PKD1L3: variants seen among roughly 807,000 people sequenced by gnomAD.
PKD1L3 encodes polycystin-1-like protein 3.
PKD1L3 carries 239 observed loss-of-function variants against 184.1 expected under a neutral mutation model. The ratio of observed to expected loss-of-function variants is 1.30; its 90% confidence interval spans 1.17 to 1.45. The LOEUF is 1.45. Among genes scored for constraint, PKD1L3 ranks in the 40% most tolerant of loss-of-function variants. The pLI, the probability that PKD1L3 is intolerant of heterozygous loss-of-function variation, is 0.00. For missense variants in PKD1L3, 2,660 were observed against 2,067.2 expected (o/e 1.29, Z -5.56); for synonymous variants, 996 against 778.8 (o/e 1.28, Z -4.64).
intron 2 of PKD1L3, among the ~76,000 whole-genome samples, chr16:71,996,858 C>A (rs951503052): frequency 4.6e-5 from 7 of 151,812 alleles, no homozygotes; most frequent in Admixed American, 2.0e-4. Flanking sequence ...TTTGTAGCAG[C>A]ATGAGAGAAG....
Position 71,967,231 on chromosome 16 carries a change from C to T in PKD1L3, c.2371G>A (p.Gly791Ser), listed in dbSNP as rs1451133654. ...GTGGTGAGAAGGAAGACATCCAGGC[C>T]CCCTCGTTCAAAGACTGTCTTCTGG... ...DPQKTVFERG[G>S]LDVFLLTTWT... Residue 791 changes from glycine (G) to serine (S), a missense_variant, in exon 15 of 30, where the codon GGC (glycine) becomes AGC (serine). Gly to Ser is a moderately conservative substitution (Grantham distance 56). Transcript: ENST00000620267. 2 of 1,551,506 alleles carry T rather than the reference C, an allele frequency of 1.3e-6. No homozygotes were observed. Among genetic ancestry groups the T allele is most frequent in the East Asian group, 2.4e-5 (1 of 40,932 alleles).
At chr16:71,979,273 G>A (rs1009269515) in intron 9 of PKD1L3, among the ~76,000 whole-genome samples, 4 of 152,046 alleles carry the variant, frequency 2.6e-5, no homozygotes, top group Admixed American at 2.0e-4. Context: ...GCGAAACCCC[G>A]CCTCTACTAA....
intron 4 of PKD1L3, among the ~76,000 whole-genome samples, chr16:71,988,823 T>C (rs1477689354): frequency 6.6e-6 from 1 of 152,186 alleles, no homozygotes; most frequent in Non-Finnish European, 1.5e-5. Flanking sequence ...AGTCCATCTC[T>C]CCTATGCTGA....
intron 28 of PKD1L3, chr16:71,931,133 T>C (rs1188273802): frequency 6.6e-6 from 1 of 152,242 alleles, no homozygotes; most frequent in Non-Finnish European, 1.5e-5. Flanking sequence ...TACTGTATTT[T>C]TATGTACAAT....
chr16:71,953,240 G>A, intron 17 of PKD1L3, 147 bp from the exon 18 acceptor site: 1 of 681,546 alleles, frequency 1.5e-6, no homozygotes, highest in African/African-American at 1.9e-5. Flanking sequence ...ACCATGTTGT[G>A]TTCCTAATAC....
In PKD1L3 at chr16:71,937,379, G is replaced by T. The variant is rs1202568256; in HGVS notation, c.4365C>A (p.Ser1455=). 1 of 1,551,542 alleles carries T rather than the reference G, an allele frequency of 6.4e-7. No homozygotes were observed. Among genetic ancestry groups the T allele is most frequent in the African/African-American group, 1.4e-5 (1 of 73,022 alleles). Residue 1455 remains serine (S), a synonymous_variant, in exon 25 of 30, where the codon TCC becomes TCA. Transcript: ENST00000620267. ...FTSLRLESFT[S]LQMSKKGCVW... is the part of the protein sequence containing the mutation. ...CACAGCCCTTCTTTGACATCTGAAG[G>T]GAAGTGAAGCTTTCCAGTCTCAAAG...
In PKD1L3 at chr16:71,934,088, C is replaced by G; in HGVS notation, c.4651G>C (p.Ala1551Pro). Reference sequence around the variant, plus strand: ...GGGAAGCCCACAAGGTGAGTCGCAGCAGAGTTCACTTTTACTGCCTCATAG... The same window carrying G: ...GGGAAGCCCACAAGGTGAGTCGCAGGAGAGTTCACTTTTACTGCCTCATAG... ...SFYEAVKVNS[A>P]ATHLVGFPVL... Residue 1551 changes from alanine to proline, a missense_variant, in exon 27 of 30, where the codon GCT (alanine) becomes CCT (proline). Transcript: ENST00000620267. 6.4e-7 allele frequency: 1 copy of G among 1,551,940 alleles called. No individual in the cohort carries two copies. Among genetic ancestry groups the G allele is most frequent in the South Asian group, 1.2e-5 (1 of 84,066 alleles).
At chr16:71,954,915 G>A (rs544774316) in intron 16 of PKD1L3, among the ~76,000 whole-genome samples, 2 of 152,056 alleles carry the variant, frequency 1.3e-5, no homozygotes, top group African/African-American at 2.4e-5. Context: ...TGATTCACTG[G>A]GTGCAGAAAA....
intron 3 of PKD1L3, among the ~76,000 whole-genome samples, chr16:71,992,039 T>G (rs949472218): frequency 6.6e-6 from 1 of 152,202 alleles, no homozygotes; most frequent in African/African-American, 2.4e-5. Flanking sequence ...CAGGTTGGAC[T>G]GGAACTCCTG....
At chr16:71,973,567 C>A (rs1243198309) in intron 11 of PKD1L3, 50 bp from the exon 12 acceptor site, 2 of 1,435,108 alleles carry the variant, frequency 1.4e-6, no homozygotes, top group Middle Eastern at 1.7e-4. Flanking sequence ...AACAAAAACA[C>A]CAATGAACCT....
chr16:71,935,569 T>G, intron 25 of PKD1L3, 51 bp from the exon 26 acceptor site: 5 of 1,518,446 alleles, frequency 3.3e-6, no homozygotes, highest in Non-Finnish European at 4.4e-6. Context: ...ATTAGCTAGG[T>G]CTCTCCCTGC....
Position 71,996,761 on chromosome 16 carries a change from T to C in PKD1L3, c.418+1511A>G, listed in dbSNP as rs1281113324. 2.6e-5 allele frequency among the ~76,000 whole-genome samples: 4 copies of C among 152,120 alleles called. No individual in the cohort carries two copies. The East Asian group carries it at 5.8e-4, about 22-fold the overall frequency. The stretch of plus-strand genomic sequence containing the variant: ...CTCTGGAGATTGCTGTGTGTATCAA[T>C]AGTTTGTTTCTTTTTATTACTGAAT... On this transcript the variant is annotated intron_variant, in intron 2 of 29. Coordinates refer to ENST00000620267, the MANE Select transcript of PKD1L3 (RefSeq NM_181536.2).
In PKD1L3 at chr16:71,935,419, C is replaced by G. The variant is rs753973264; in HGVS notation, c.4552G>C (p.Asp1518His). The G allele has an allele frequency of 6.4e-6, 10 of 1,551,846 alleles. No homozygotes were observed. The Admixed American group carries it at 1.2e-4, about 18-fold the overall frequency. ...TTATGTAGAGAAATACTCTTCATGT[C>G]AAGCCCCAGGAGGATGAAGCTAATG... Reference protein sequence around the residue: ...ILISFILLGLDMKSISLHKKN... With the variant: ...ILISFILLGLHMKSISLHKKN... Residue 1518 changes from aspartate to histidine, a missense_variant, in exon 26 of 30, where the codon GAC becomes CAC. Physicochemically the swap from Asp to His is moderately conservative, Grantham distance 81. Transcript: ENST00000620267.
intron 7 of PKD1L3, among the ~76,000 whole-genome samples, chr16:71,980,872 T>A (rs1388362431): frequency 2.0e-5 from 3 of 152,110 alleles, no homozygotes; most frequent in African/African-American, 7.2e-5. Context: ...TAGCAGTCAC[T>A]CTCCATTCCC....
Position 71,973,329 on chromosome 16 carries a change from A to G in PKD1L3, c.1948T>C (p.Cys650Arg). Reference sequence around the variant, plus strand: ...GAAGCGGCTCAGTTTCTTACTTGGCATCCGGCGCTGCTCCATGTCTGGTTG... The same window carrying G: ...GAAGCGGCTCAGTTTCTTACTTGGCGTCCGGCGCTGCTCCATGTCTGGTTG... ...IHNQTWSSAG[C>R]QVGPQSTILR... The change falls in exon 12 of 30, where the codon TGC (cysteine) becomes CGC (arginine). Residue 650 changes from cysteine to arginine, a missense_variant. Coordinates refer to ENST00000620267, the MANE Select transcript of PKD1L3 (RefSeq NM_181536.2). 1.9e-6 allele frequency: 3 copies of G among 1,551,600 alleles called. No individual in the cohort carries two copies. The highest frequency in any genetic ancestry group is 2.6e-6 in the Non-Finnish European group (3 of 1,146,988).
rs112691025 is a variant in PKD1L3, at chr16:71,989,289, G to T, written c.585+991C>A. Among the ~76,000 whole-genome samples, 10 of 152,272 alleles carry T rather than the reference G, an allele frequency of 6.6e-5. 1 individual carries two copies. The highest frequency in any genetic ancestry group is 9.6e-5 in the African/African-American group (4 of 41,560). ...CCTGCCTCAGCCTCCCAAGTAGCTGGGATTACAGGCGCTCCACCAAGCCTG... is the reference window on the plus strand; with the variant it reads ...CCTGCCTCAGCCTCCCAAGTAGCTGTGATTACAGGCGCTCCACCAAGCCTG... On this transcript the variant is annotated intron_variant, in intron 4 of 29. Coordinates refer to ENST00000620267, the MANE Select transcript of PKD1L3 (RefSeq NM_181536.2).
chr16:71,955,625 CACACCA>C lies in PKD1L3; in HGVS notation c.2613-1330_2613-1325del, dbSNP rs1347054467. On this transcript the variant is annotated intron_variant, in intron 16 of 29. Coordinates refer to ENST00000620267, the MANE Select transcript of PKD1L3 (RefSeq NM_181536.2). ...CTCCCACCTCAGTGGTGTGCAGGTGCACACCACTACACCTAATAGGGCTTAGCTGTA... is the reference window on the plus strand; with the variant it reads ...CTCCCACCTCAGTGGTGTGCAGGTGCCTACACCTAATAGGGCTTAGCTGTA... 4.6e-5 allele frequency among the ~76,000 whole-genome samples: 7 copies of C among 151,930 alleles called. No homozygotes were observed. The East Asian group carries it at 1.4e-3, about 30-fold the overall frequency.
chr16:71,959,081 T>C, intron 16 of PKD1L3, among the ~76,000 whole-genome samples: 2 of 91,034 alleles, frequency 2.2e-5, no homozygotes, highest in African/African-American at 4.2e-5. Flanking sequence ...AAGACTCCCG[T>C]CTCAAAAAAA....
At chr16:71,935,297 A>C (rs2038134828) in intron 26 of PKD1L3, 61 bp downstream of exon 26, 1 of 1,472,524 alleles carries the variant, frequency 6.8e-7, no homozygotes, top group African/African-American at 1.4e-5. Context: ...ATACTTGTGT[A>C]TAAACAGGAA....
Sources: gnomAD v4.1 joint callset for allele counts (sites outside exome capture counted in the v4.1 genomes callset) on GRCh38, gnomAD v4.1.1 for gene constraint, MANE v1.5 for transcripts, NCBI Gene and HGNC (gene_info 2026-07-23, HGNC 2026-07-21) for gene names.